MAGI2: variants seen among roughly 807,000 people sequenced by gnomAD.
MAGI2 encodes membrane-associated guanylate kinase, WW and PDZ domain-containing protein 2.
Under a neutral mutation model 133.3 loss-of-function variants are expected in MAGI2, and 35 were observed. The ratio of observed to expected loss-of-function variants is 0.26; its 90% CI spans 0.20 to 0.35. The LOEUF (loss-of-function observed/expected upper bound fraction) is 0.35. Among genes scored for constraint, MAGI2 ranks in the 10% least tolerant of loss-of-function variants. The pLI is 1.00. For missense variants in MAGI2, 1,636 were observed against 1,863.4 expected (o/e 0.88, Z 2.25); for synonymous variants, 729 against 710.6 (o/e 1.03, Z -0.41).
intron 3 of MAGI2, among the ~76,000 whole-genome samples, chr7:78,620,194 T>C (rs909236813): frequency 2.6e-5 from 4 of 151,944 alleles, no homozygotes; most frequent in African/African-American, 9.7e-5. Flanking sequence ...TTTCAGTGGA[T>C]AGAAATTTGA....
chr7:78,667,248 C>T (rs1813702405), intron 2 of MAGI2, among the ~76,000 whole-genome samples: 1 of 151,842 alleles, frequency 6.6e-6, no homozygotes, highest in Non-Finnish European at 1.5e-5. Flanking sequence ...CCTGCCCAAT[C>T]CCCTCATTAT....
chr7:78,711,218 G>A (rs1819152808), intron 2 of MAGI2, among the ~76,000 whole-genome samples: 1 of 152,096 alleles, frequency 6.6e-6, no homozygotes, highest in Admixed American at 6.6e-5. Context: ...TTTGAGGTCT[G>A]GACTGTGCTG....
At chr7:78,424,927 T>C (rs1417794425) in intron 6 of MAGI2, among the ~76,000 whole-genome samples, 1 of 152,190 alleles carries the variant, frequency 6.6e-6, no homozygotes, top group Non-Finnish European at 1.5e-5. Flanking sequence ...GATGAGACTT[T>C]GGACTATGGA....
intron 2 of MAGI2, among the ~76,000 whole-genome samples, chr7:78,927,346 A>C (rs536616863): frequency 6.6e-6 from 1 of 152,150 alleles, no homozygotes; most frequent in African/African-American, 2.4e-5. Flanking sequence ...AGTTCCATGG[A>C]AAATAAATCA....
At position 78,292,488 on chromosome 7, in the gene MAGI2, C is replaced by G. The variant is rs575897364; in HGVS notation, c.1409-35907G>C. Among the ~76,000 whole-genome samples the G allele has an allele frequency of 2.1e-3, 327 of 152,106 alleles. 3 individuals are homozygous for G. Among genetic ancestry groups the G allele is most frequent in the Non-Finnish European group, 1.7e-3 (114 of 68,016 alleles). ...GCTCATGGGTAGGAAGAATCAATAT[C>G]GTGAAAATGGCCATACTGCCCAAGG... On this transcript the variant is annotated intron_variant, in intron 9 of 21. Coordinates refer to ENST00000354212, the MANE Select transcript of MAGI2 (RefSeq NM_012301.4).
intron 3 of MAGI2, chr7:78,615,108 C>T (rs1280287365): frequency 6.6e-6 from 1 of 152,114 alleles, no homozygotes; most frequent in Non-Finnish European, 1.5e-5. Flanking sequence ...GTCAATGTGC[C>T]TGTCTCCAGG....
intron 1 of MAGI2, among the ~76,000 whole-genome samples, chr7:79,396,251 C>A (rs568701389): frequency 6.6e-6 from 1 of 152,224 alleles, no homozygotes; most frequent in East Asian, 1.9e-4. Flanking sequence ...TATGCTCTGA[C>A]GGCATGCCTG....
intron 1 of MAGI2, among the ~76,000 whole-genome samples, chr7:79,164,003 A>T (rs890920075): frequency 6.6e-6 from 1 of 151,988 alleles, no homozygotes; most frequent in Admixed American, 6.6e-5. Context: ...AGGTCAGGGC[A>T]TGTCCTCCTG....
At chr7:79,151,299 A>G (rs1455239907) in intron 1 of MAGI2, among the ~76,000 whole-genome samples, 1 of 152,168 alleles carries the variant, frequency 6.6e-6, no homozygotes, top group African/African-American at 2.4e-5. Context: ...TGCTTTACAA[A>G]AAAATTAGTA....
intron 1 of MAGI2, among the ~76,000 whole-genome samples, chr7:79,081,859 T>C (rs1816068244): frequency 6.6e-6 from 1 of 152,084 alleles, no homozygotes; most frequent in African/African-American, 2.4e-5. Context: ...ACTGAAACAA[T>C]TACATTTGAT....
intron 6 of MAGI2, among the ~76,000 whole-genome samples, chr7:78,402,775 A>C (rs1416190104): frequency 1.3e-5 from 2 of 152,174 alleles, no homozygotes; most frequent in African/African-American, 2.4e-5. Context: ...TTCATGTATT[A>C]ATAATTGTTA....
chr7:78,291,653 C>T (rs1203877793), intron 9 of MAGI2, among the ~76,000 whole-genome samples: 1 of 152,166 alleles, frequency 6.6e-6, no homozygotes, highest in East Asian at 1.9e-4. Context: ...AGACCAATAT[C>T]CCTGATGAAC....
At chr7:79,336,378 A>G (rs1918931) in intron 1 of MAGI2, among the ~76,000 whole-genome samples, 151,991 of 152,190 alleles carry the variant, frequency 1, 75,899 homozygotes, top group Middle Eastern at 1. Context: ...ACTGTTTATG[A>G]TAGAGTTACT....
intron 21 of MAGI2, among the ~76,000 whole-genome samples, chr7:78,068,865 C>G (rs1004987451): frequency 1.3e-5 from 2 of 152,088 alleles, no homozygotes; most frequent in African/African-American, 4.8e-5. Flanking sequence ...TTGTTAAACT[C>G]CTTAAGATCA....
rs142109735 is a variant in MAGI2 at position 79,326,325 on chromosome 7, T to C, written c.301+126695A>G. Among the ~76,000 whole-genome samples the C allele has an allele frequency of 1.9e-3, 291 of 152,274 alleles. 1 individual carries two copies. Among genetic ancestry groups the C allele is most frequent in the African/African-American group, 6.4e-3 (265 of 41,546 alleles). ...TAATCATTGTTCATAACCATAATTA[T>C]AAACCTGGCTTAAGAAAAAAACTAG... On this transcript the variant is annotated intron_variant, in intron 1 of 21. Transcript: ENST00000354212.
At chr7:78,046,847 G>T (rs1811486840) in intron 21 of MAGI2, among the ~76,000 whole-genome samples, 1 of 152,200 alleles carries the variant, frequency 6.6e-6, no homozygotes, top group South Asian at 2.1e-4. Flanking sequence ...GCCATATTAA[G>T]TCTTGAGATG....
At chr7:78,620,210 T>C (rs139664706) in intron 3 of MAGI2, among the ~76,000 whole-genome samples, 2 of 151,964 alleles carry the variant, frequency 1.3e-5, no homozygotes, top group Non-Finnish European at 1.5e-5. Context: ...TTTGAACTGA[T>C]AGAAGAATGG....
At chr7:78,145,062 G>A (rs767929290) in intron 16 of MAGI2, among the ~76,000 whole-genome samples, 50 of 151,908 alleles carry the variant, frequency 3.3e-4, no homozygotes, top group Non-Finnish European at 5.7e-4. Flanking sequence ...AATTATGCAG[G>A]GAAAAAACCA....
At chr7:79,197,220 C>T (rs1472732186) in intron 1 of MAGI2, among the ~76,000 whole-genome samples, 1 of 151,910 alleles carries the variant, frequency 6.6e-6, no homozygotes, top group Non-Finnish European at 1.5e-5. Flanking sequence ...TGCCTCCTTA[C>T]ACTTCATTTT....
Sources: gnomAD v4.1 joint callset for allele counts (sites outside exome capture counted in the v4.1 genomes callset) on GRCh38, gnomAD v4.1.1 for gene constraint, MANE v1.5 for transcripts, NCBI Gene and HGNC (gene_info 2026-07-23, HGNC 2026-07-21) for gene names.